ZMYM4: variants seen among roughly 807,000 people sequenced by gnomAD.
ZMYM4 encodes zinc finger MYM-type protein 4.
ZMYM4 carries 31 observed loss-of-function variants against 183.2 expected under a neutral mutation model. The ratio of observed to expected loss-of-function variants is 0.17; its 90% CI spans 0.13 to 0.23. The LOEUF (loss-of-function observed/expected upper bound fraction) is 0.23. ZMYM4 is among the 10% of genes least tolerant of loss of function. The pLI is 1.00. For missense variants in ZMYM4, 1,273 were observed against 1,840.3 expected (o/e 0.69, Z 5.64); for synonymous variants, 592 against 631.2 (o/e 0.94, Z 0.93).
intron 1 of ZMYM4, among the ~76,000 whole-genome samples, chr1:35,308,029 T>C (rs1294321976): frequency 6.6e-6 from 1 of 151,656 alleles, no homozygotes; most frequent in African/African-American, 2.4e-5. Flanking sequence ...AATCTCGATA[T>C]CACCCAGGCT....
chr1:35,399,121 C>T, intron 22 of ZMYM4, 78 bp downstream of exon 22: 7 of 1,381,162 alleles, frequency 5.1e-6, no homozygotes, highest in Non-Finnish European at 7.0e-6. Flanking sequence ...CACTATTAAG[C>T]AGTGCCAATT....
At chr1:35,375,854 T>C (rs1644323459) in intron 7 of ZMYM4, among the ~76,000 whole-genome samples, 1 of 152,158 alleles carries the variant, frequency 6.6e-6, no homozygotes, top group Admixed American at 6.6e-5. Flanking sequence ...CATTGGAGGA[T>C]TGCATGAGCC....
intron 1 of ZMYM4, among the ~76,000 whole-genome samples, chr1:35,313,390 C>CTTTTTTTTTTTTTTT (rs36112055): frequency 7.6e-6 from 1 of 131,582 alleles, no homozygotes; most frequent in Non-Finnish European, 1.6e-5. Context: ...TTTTCTTTTT[C>CTTTTTTTTTTTTTTT]TTTTTTTTTT....
At chr1:35,269,205 C>T in intron 1 of ZMYM4, 120 bp downstream of exon 1, 4 of 1,137,922 alleles carry the variant, frequency 3.5e-6, no homozygotes, top group Non-Finnish European at 4.6e-6. Context: ...AGGTTGCGGG[C>T]AGGTCTGAGG....
Position 35,370,367 on chromosome 1 carries a change from T to TTTA in ZMYM4, c.926-5_926-4insTTA. 6.1e-6 allele frequency: 8 copies of TTTA among 1,306,358 alleles called. No individual in the cohort carries two copies. Among genetic ancestry groups the TTTA allele is most frequent in the East Asian group, 2.6e-5 (1 of 38,290 alleles). 80.9% of individuals were successfully genotyped at this position (1,306,358 alleles called of 1,614,324 possible). On this transcript the variant is annotated splice_region_variant and splice_polypyrimidine_tract_variant and intron_variant, in intron 6 of 29. Transcript: ENST00000314607. ...TTTTTTTTTTTTTTTTTTTTTTTTT[T>TTTA]AAAGCTCCACAGTTGACTACTGGCT...
At chr1:35,279,176 G>A (rs1359168061) in intron 1 of ZMYM4, among the ~76,000 whole-genome samples, 1 of 152,136 alleles carries the variant, frequency 6.6e-6, no homozygotes, top group Non-Finnish European at 1.5e-5. Flanking sequence ...TCCCTGAAGG[G>A]TTGCACATGT....
chr1:35,379,162 G>A lies in ZMYM4; in HGVS notation c.1182-2097G>A, dbSNP rs558233448. Among the ~76,000 whole-genome samples, 8 of 152,238 alleles carry A rather than the reference G, an allele frequency of 5.3e-5. No homozygotes were observed. The South Asian group carries it at 8.3e-4, about 16-fold the overall frequency. ...ATCACCCAGGCTTGAGTGCAGTGGCGCAATCTCAGGTCACTGCAGCCTCCG... is the reference window on the plus strand; with the variant it reads ...ATCACCCAGGCTTGAGTGCAGTGGCACAATCTCAGGTCACTGCAGCCTCCG... On this transcript the variant is annotated intron_variant, in intron 7 of 29. Coordinates refer to ENST00000314607, the MANE Select transcript of ZMYM4 (RefSeq NM_005095.3).
intron 2 of ZMYM4, among the ~76,000 whole-genome samples, chr1:35,354,695 C>T (rs1369883283): frequency 3.9e-5 from 5 of 127,962 alleles, no homozygotes; most frequent in Non-Finnish European, 7.7e-5. Context: ...CCACTGCATT[C>T]GAGCCTGGGC....
At chr1:35,336,511 C>T (rs1043992705) in intron 2 of ZMYM4, among the ~76,000 whole-genome samples, 5 of 151,858 alleles carry the variant, frequency 3.3e-5, no homozygotes, top group South Asian at 4.2e-4. Context: ...CTCAGCCTCC[C>T]GAGTATCTAG....
intron 25 of ZMYM4, among the ~76,000 whole-genome samples, chr1:35,407,668 C>T (rs577038019): frequency 1.4e-4 from 21 of 152,238 alleles, no homozygotes; most frequent in Non-Finnish European, 2.8e-4. Flanking sequence ...GAATTCTTTA[C>T]CTATCTACCT....
At chr1:35,300,305 T>C (rs115420851) in intron 1 of ZMYM4, among the ~76,000 whole-genome samples, 3,390 of 152,318 alleles carry the variant, frequency 0.022, 85 homozygotes, top group African/African-American at 0.061. Flanking sequence ...TCTACTCTTA[T>C]TATTTTTGTT....
In ZMYM4 at chr1:35,388,933, G is replaced by T; in HGVS notation, c.2287G>T (p.Asp763Tyr). Residue 763 changes from aspartate (D) to tyrosine (Y), a missense_variant, in exon 14 of 30, where the codon GAC becomes TAC. By Grantham distance (160) the Asp-to-Tyr change is radical. Around this residue, in one of 6 missense-constraint regions of ZMYM4, gnomAD observed 319 missense variants for 518.1 expected, o/e 0.62. Transcript: ENST00000314607. ...SEGCKLLYKH[D>Y]LAKRWGNHCK... The stretch of plus-strand genomic sequence containing the variant: ...AGGTTGCAAATTGCTTTATAAACAT[G>T]ACTTGGCAAAACGCTGGGGAAATCA... 6.2e-7 allele frequency: 1 copy of T among 1,613,876 alleles called. No individual in the cohort carries two copies. Among genetic ancestry groups the T allele is most frequent in the South Asian group, 1.1e-5 (1 of 91,022 alleles).
chr1:35,322,041 G>T (rs1056438040), intron 1 of ZMYM4, among the ~76,000 whole-genome samples: 3 of 151,698 alleles, frequency 2.0e-5, no homozygotes, highest in African/African-American at 7.3e-5. Flanking sequence ...AAAGAATGAA[G>T]TAGATCTCTG....
chr1:35,418,476 A>G lies in ZMYM4; in HGVS notation c.4343A>G (p.Glu1448Gly). 6.2e-7 allele frequency: 1 copy of G among 1,614,128 alleles called. No individual in the cohort carries two copies. Residue 1448 changes from glutamate to glycine, a missense_variant, in exon 29 of 30, where the codon GAA becomes GGA. By Grantham distance (98) the Glu-to-Gly change is moderately conservative. Coordinates refer to ENST00000314607, the MANE Select transcript of ZMYM4 (RefSeq NM_005095.3). ...KLTVGKRKRN[E>G]DDEVPVGVEM... Reference sequence around the variant, plus strand: ...ACTGTTGGCAAGAGGAAACGAAATGAAGATGATGAGGTTCCAGTGGGGGTG... The same window carrying G: ...ACTGTTGGCAAGAGGAAACGAAATGGAGATGATGAGGTTCCAGTGGGGGTG...
chr1:35,315,511 C>G (rs971900019), intron 1 of ZMYM4, among the ~76,000 whole-genome samples: 3 of 152,066 alleles, frequency 2.0e-5, no homozygotes, highest in African/African-American at 7.2e-5. Flanking sequence ...ATGGAGAAAC[C>G]AAGCCTGTTT....
chr1:35,296,708 T>G (rs1033259626), intron 1 of ZMYM4, among the ~76,000 whole-genome samples: 11 of 152,164 alleles, frequency 7.2e-5, no homozygotes, highest in African/African-American at 2.7e-4. Context: ...GGCTATTCTT[T>G]TTAGATACAG....
intron 1 of ZMYM4, among the ~76,000 whole-genome samples, chr1:35,285,689 G>A (rs1458477150): frequency 6.6e-6 from 1 of 152,148 alleles, no homozygotes; most frequent in Non-Finnish European, 1.5e-5. Flanking sequence ...AGGAGGATGT[G>A]TGTAGGTTAT....
chr1:35,380,246 T>C (rs553807072), intron 7 of ZMYM4, among the ~76,000 whole-genome samples: 28 of 152,164 alleles, frequency 1.8e-4, no homozygotes, highest in African/African-American at 4.8e-5. Context: ...TGTATACTCA[T>C]GGGAGAGAGA....
At position 35,268,819 on chromosome 1, in the gene ZMYM4, C is replaced by T. The variant is rs1163451683; in HGVS notation, c.-228C>T. On this transcript the variant is annotated 5_prime_UTR_variant, in exon 1 of 30. Coordinates refer to ENST00000314607, the MANE Select transcript of ZMYM4 (RefSeq NM_005095.3). ...TTAACCCCCCGAGTCCCGGCCCCCA[C>T]CCCGTCCCCGGGCAGGCCCTCCCGC... is the stretch of plus-strand genomic sequence containing the variant. 1.0e-5 allele frequency: 4 copies of T among 381,896 alleles called. No homozygotes were observed. Among genetic ancestry groups the T allele is most frequent in the Non-Finnish European group, 1.8e-5 (4 of 220,700 alleles). The allele number at this position is 381,896 out of a possible 1,614,324, so 23.7% of individuals were successfully genotyped here. A position where few individuals can be genotyped will look rare whatever the true frequency, so the allele number is the denominator to read the frequency against.
Sources: allele counts gnomAD v4.1 joint callset (sites outside exome capture counted in the v4.1 genomes callset), GRCh38; gene constraint gnomAD v4.1.1; regional missense constraint gnomAD v4.1.1; transcripts MANE v1.5; gene names NCBI Gene and HGNC (gene_info 2026-07-23, HGNC 2026-07-21).